The following TM9SF1 variants were observed in gnomAD, a reference collection of about 807,000 sequenced individuals.
TM9SF1 encodes MP70 protein family member.
A neutral mutation model predicts 52.4 loss-of-function variants in TM9SF1; 25 were observed. That is an observed-to-expected ratio of 0.48 (90% CI 0.35 to 0.67). The LOEUF (loss-of-function observed/expected upper bound fraction) is 0.67. TM9SF1 is among the 30% of genes least tolerant of loss of function. The probability of loss-of-function intolerance (pLI) is 0.01; values close to 1 mark genes in which losing one functional copy is unlikely to be tolerated. For synonymous variants in TM9SF1, 284 were observed against 299.8 expected, an observed-to-expected ratio of 0.95 and a Z score of 0.55; for missense variants, 604 against 780.3, an observed-to-expected ratio of 0.77 and a Z score of 2.69.
rs1594452019 is a variant in TM9SF1, at chr14:24,192,892, G to A, written c.723C>T (p.Asn241=). The part of the protein sequence containing the change: ...TLEIHWLSII[N]SMVLVFLLVG... ...CCAGTAAAAACACAAGCACCATGGA[G>A]TTGATGATGGACAACCAATGGATTT... Residue 241 remains asparagine, a synonymous_variant, in exon 3 of 6, where the codon AAC becomes AAT. Coordinates refer to ENST00000261789, the MANE Select transcript of TM9SF1 (RefSeq NM_006405.7). This position sits in a 1 kb window ranked among gnomAD's most constrained non-coding sequence, Gnocchi z 4.0. 2 of 1,614,162 alleles carry A rather than the reference G, an allele frequency of 1.2e-6. No individual in the cohort carries two copies. Among genetic ancestry groups the A allele is most frequent in the Middle Eastern group, 1.6e-4 (1 of 6,062 alleles).
rs375514641 is a variant in TM9SF1, at chr14:24,189,398, G to A, written c.*17C>T. 6.3e-7 allele frequency: 1 copy of A among 1,599,822 alleles called. No individual in the cohort carries two copies. The highest frequency in any genetic ancestry group is 1.3e-5 in the African/African-American group (1 of 74,190). ...TGAAGAAAGGGAGAGAACAGCAATA[G>A]TTCTGCCATACAGAACTCAGTCCAT... is the stretch of plus-strand genomic sequence containing the variant. On this transcript the variant is annotated 3_prime_UTR_variant, in exon 6 of 6. Coordinates refer to ENST00000261789, the MANE Select transcript of TM9SF1 (RefSeq NM_006405.7).
rs1412442443 is a variant in TM9SF1 at position 24,189,414 on chromosome 14, C to T, written c.*1G>A. Reference sequence around the variant, plus strand: ...ACAGCAATAGTTCTGCCATACAGAACTCAGTCCATCTTGAGGTTAACATAG... The same window carrying T: ...ACAGCAATAGTTCTGCCATACAGAATTCAGTCCATCTTGAGGTTAACATAG... On this transcript the variant is annotated 3_prime_UTR_variant, in exon 6 of 6. Transcript: ENST00000261789. 1.9e-6 allele frequency: 3 copies of T among 1,610,506 alleles called. No homozygotes were observed. Among genetic ancestry groups the T allele is most frequent in the East Asian group, 4.5e-5 (2 of 44,856 alleles).
chr14:24,193,404 T>C (rs912369633), intron 2 of TM9SF1, 135 bp from the exon 3 acceptor site: 93 of 1,031,188 alleles, frequency 9.0e-5, no homozygotes, highest in Non-Finnish European at 1.2e-4. Flanking sequence ...TCTTGCTCTG[T>C]CACCCAGGCT....
At chr14:24,193,734 C>G (rs1298525412) in intron 2 of TM9SF1, among the ~76,000 whole-genome samples, 1 of 150,770 alleles carries the variant, frequency 6.6e-6, no homozygotes, top group African/African-American at 2.4e-5. Context: ...TCCTGGCTAA[C>G]ACGGTGAAAC....
intron 2 of TM9SF1, among the ~76,000 whole-genome samples, chr14:24,193,717 G>T (rs1277160060): frequency 6.7e-6 from 1 of 150,278 alleles, no homozygotes; most frequent in African/African-American, 2.4e-5. Context: ...TCAGGAGATC[G>T]AGACCATCCT....
chr14:24,190,599 G>A lies in TM9SF1; in HGVS notation c.1208C>T (p.Ser403Leu). The A allele has an allele frequency of 1.9e-6, 3 of 1,614,074 alleles. No homozygotes were observed. The highest frequency in any genetic ancestry group is 2.5e-6 in the Non-Finnish European group (3 of 1,180,000). Residue 403 changes from serine (S) to leucine (L), a missense_variant, in exon 5 of 6, where the codon TCG (serine) becomes TTG (leucine). Coordinates refer to ENST00000261789, the MANE Select transcript of TM9SF1 (RefSeq NM_006405.7). ...GGTTGTGGCTGGCAGAGCCTGTGTC[G>A]AACCATTGGCCCAATGCACTGAGTT... ...VVNSVHWANG[S>L]TQALPATTIL...
Position 24,195,047 on chromosome 14 carries a change from G to T in TM9SF1, c.-17-11C>A, listed in dbSNP as rs1445052453. Reference sequence around the variant, plus strand: ...TTAAGGCAGTGGAACCTGTTTGGGGGAATCCTGAGGTTATAGAAACCAGGG... The same window carrying T: ...TTAAGGCAGTGGAACCTGTTTGGGGTAATCCTGAGGTTATAGAAACCAGGG... On this transcript the variant is annotated splice_polypyrimidine_tract_variant and intron_variant, in intron 1 of 5. Coordinates refer to ENST00000261789, the MANE Select transcript of TM9SF1 (RefSeq NM_006405.7). The T allele has an allele frequency of 6.3e-7, 1 of 1,590,514 alleles. No homozygotes were observed. The highest frequency in any genetic ancestry group is 8.6e-7 in the Non-Finnish European group (1 of 1,162,504).
chr14:24,194,634 G>C, intron 2 of TM9SF1, 41 bp downstream of exon 2: 2 of 1,562,686 alleles, frequency 1.3e-6, no homozygotes, highest in Non-Finnish European at 1.8e-6. Context: ...GTTAGTCTCT[G>C]GGAAGGAGGG....
intron 1 of TM9SF1, 52 bp downstream of exon 1, chr14:24,195,294 C>A: frequency 2.3e-6 from 1 of 444,002 alleles, no homozygotes; most frequent in East Asian, 3.8e-5. Flanking sequence ...ATGGCAACGC[C>A]GCTCGGTCTC....
chr14:24,194,379 A>G (rs1338893571), intron 2 of TM9SF1, among the ~76,000 whole-genome samples: 2 of 152,250 alleles, frequency 1.3e-5, no homozygotes, highest in Non-Finnish European at 2.9e-5. Flanking sequence ...ACTATGTGGG[A>G]CTGATAGTTG....
In TM9SF1 at chr14:24,192,698, A is replaced by G. The variant is rs763615731; in HGVS notation, c.917T>C (p.Leu306Pro). The G allele has an allele frequency of 1.9e-6, 3 of 1,608,482 alleles. No individual in the cohort carries two copies. The African/African-American group carries it at 4.0e-5, about 21-fold the overall frequency. The stretch of plus-strand genomic sequence containing the variant: ...ACCCACGCCAAGCACAGCACAGAGC[A>G]GACCACGGTATGGGGGGAAGCGGAA... ...DVFRFPPYRG[L>P]LCAVLGVGAQ... Residue 306 changes from leucine (L) to proline (P), a missense_variant, in exon 3 of 6, where the codon CTG (leucine) becomes CCG (proline). Around this residue, in one of 3 missense-constraint regions of TM9SF1, gnomAD observed 450 missense variants for 560.1 expected, o/e 0.80. Transcript: ENST00000261789. The surrounding 1 kb of genome is among the most constrained non-coding windows in gnomAD (Gnocchi z 4.0).
At position 24,189,449 on chromosome 14, in the gene TM9SF1, A is replaced by C. The variant is rs182689887; in HGVS notation, c.1787T>G (p.Ile596Ser). 3 of 1,614,112 alleles carry C rather than the reference A, an allele frequency of 1.9e-6. No individual in the cohort carries two copies. Among genetic ancestry groups the C allele is most frequent in the Non-Finnish European group, 2.5e-6 (3 of 1,180,012 alleles). ...CTTGAGGTTAACATAGATATACCGGATGAACTTTAGGGAAGAAAAAAAGGA... is the reference window on the plus strand; with the variant it reads ...CTTGAGGTTAACATAGATATACCGGCTGAACTTTAGGGAAGAAAAAAAGGA... ...TISFFSSLKFIRYIYVNLKMD is the reference protein window; with the variant it reads ...TISFFSSLKFSRYIYVNLKMD The change falls in exon 6 of 6, where the codon ATC (isoleucine) becomes AGC (serine). Residue 596 changes from isoleucine to serine, a missense_variant. This residue lies in a region of TM9SF1 where 107 missense variants were observed against 180.5 expected (regional missense o/e 0.59). Coordinates refer to ENST00000261789, the MANE Select transcript of TM9SF1 (RefSeq NM_006405.7).
At chr14:24,194,440 T>G (rs1477859100) in intron 2 of TM9SF1, among the ~76,000 whole-genome samples, 1 of 152,230 alleles carries the variant, frequency 6.6e-6, no homozygotes, top group Non-Finnish European at 1.5e-5. Flanking sequence ...TGGGCTCTGA[T>G]ATCAGTTCTG....
At position 24,194,769 on chromosome 14, in the gene TM9SF1, T is replaced by C. The variant is rs1399070614; in HGVS notation, c.251A>G (p.Asp84Gly). Residue 84 changes from aspartate (D) to glycine (G), a missense_variant, in exon 2 of 6, where the codon GAT becomes GGT. Transcript: ENST00000261789. ...HKSLSLGEVL[D>G]GDRMAESLYE... is the part of the protein sequence containing the mutation. Reference sequence around the variant, plus strand: ...CAAAGACTCAGCCATTCGGTCCCCATCCAGCACTTCACCCAGGCTAAGGCT... The same window carrying C: ...CAAAGACTCAGCCATTCGGTCCCCACCCAGCACTTCACCCAGGCTAAGGCT... 1.2e-6 allele frequency: 2 copies of C among 1,614,104 alleles called. No individual in the cohort carries two copies. The highest frequency in any genetic ancestry group is 2.7e-5 in the African/African-American group (2 of 74,938).
In TM9SF1 at chr14:24,190,488, G is replaced by C; in HGVS notation, c.1319C>G (p.Pro440Arg). 6.2e-7 allele frequency: 1 copy of C among 1,614,170 alleles called. No individual in the cohort carries two copies. The highest frequency in any genetic ancestry group is 2.2e-5 in the East Asian group (1 of 44,888). Residue 440 changes from proline (P) to arginine (R), a missense_variant, in exon 5 of 6, where the codon CCC (proline) becomes CGC (arginine). Physicochemically the swap from Pro to Arg is moderately radical, Grantham distance 103 (BLOSUM62 -2). This residue lies in a region of TM9SF1 where 450 missense variants were observed against 560.1 expected (regional missense o/e 0.80). Coordinates refer to ENST00000261789, the MANE Select transcript of TM9SF1 (RefSeq NM_006405.7). ...CTTGGTGCGACAGGGTGCATCAAAG[G>C]GGCTGGCGTTGTTCTTCCCAAAGAT... ...GGIFGKNNASPFDAPCRTKNI... is the reference protein window; with the variant it reads ...GGIFGKNNASRFDAPCRTKNI...
chr14:24,194,763 T>C lies in TM9SF1; in HGVS notation c.257A>G (p.Asp86Gly). 1.2e-6 allele frequency: 2 copies of C among 1,614,236 alleles called. No homozygotes were observed. Among genetic ancestry groups the C allele is most frequent in the Non-Finnish European group, 1.7e-6 (2 of 1,180,038 alleles). The change falls in exon 2 of 6, where the codon GAC becomes GGC. Residue 86 changes from aspartate to glycine, a missense_variant. Asp to Gly is a moderately conservative substitution (Grantham distance 94, BLOSUM62 -1). Transcript: ENST00000261789. ...SLSLGEVLDGDRMAESLYEIR... is the reference protein window; with the variant it reads ...SLSLGEVLDGGRMAESLYEIR... Reference sequence around the variant, plus strand: ...CTCATACAAAGACTCAGCCATTCGGTCCCCATCCAGCACTTCACCCAGGCT... The same window carrying C: ...CTCATACAAAGACTCAGCCATTCGGCCCCCATCCAGCACTTCACCCAGGCT...
At chr14:24,190,868 T>TG (rs1261424101) in intron 4 of TM9SF1, among the ~76,000 whole-genome samples, 1 of 136,890 alleles carries the variant, frequency 7.3e-6, no homozygotes, top group Non-Finnish European at 1.6e-5. Flanking sequence ...TTTTTTTTTT[T>TG]TTTTTTTTTT....
intron 1 of TM9SF1, 146 bp downstream of exon 1, chr14:24,195,200 C>T: frequency 1.7e-6 from 1 of 599,376 alleles, no homozygotes; most frequent in Non-Finnish European, 3.0e-6. Flanking sequence ...TCCACCTCTG[C>T]TCTCTCATCC....
rs897460998 is a variant in TM9SF1, at chr14:24,190,581, G to T, written c.1226C>A (p.Ala409Asp). The T allele has an allele frequency of 6.2e-7, 1 of 1,614,198 alleles. No individual in the cohort carries two copies. Among genetic ancestry groups the T allele is most frequent in the African/African-American group, 1.3e-5 (1 of 75,046 alleles). ...WANGSTQALP[A>D]TTILLLLTVW... ...CGTCAGAAGCAGCAGGATGGTTGTG[G>T]CTGGCAGAGCCTGTGTCGAACCATT... Residue 409 changes from alanine to aspartate, a missense_variant, in exon 5 of 6, where the codon GCC (alanine) becomes GAC (aspartate). Coordinates refer to ENST00000261789, the MANE Select transcript of TM9SF1 (RefSeq NM_006405.7).
Sources: gnomAD v4.1 joint callset for allele counts (sites outside exome capture counted in the v4.1 genomes callset) on GRCh38, gnomAD v4.1.1 for gene constraint, gnomAD v4.1.1 regional missense constraint, Gnocchi (gnomAD v3.1) non-coding constraint, MANE v1.5 for transcripts, NCBI Gene and HGNC (gene_info 2026-07-23, HGNC 2026-07-21) for gene names.